NAPB: variants seen among roughly 807,000 people sequenced by gnomAD.
NAPB encodes the protein beta-soluble NSF attachment protein.
NAPB carries 26 observed loss-of-function variants against 44.7 expected under a neutral mutation model. That is an observed-to-expected ratio of 0.58 (90% CI 0.43 to 0.81). The LOEUF (loss-of-function observed/expected upper bound fraction) is 0.81. Ranked by LOEUF, NAPB falls within the 30% of genes least tolerant of loss-of-function variation. The pLI, the probability that NAPB is intolerant of heterozygous loss-of-function variation, is 0.00. For missense variants in NAPB, 315 were observed against 356.4 expected (o/e 0.88, Z 0.94); for synonymous variants, 120 against 116.8 (o/e 1.03, Z -0.18).
At chr20:23,415,039 T>C (rs1159798196) in intron 1 of NAPB, among the ~76,000 whole-genome samples, 2 of 152,120 alleles carry the variant, frequency 1.3e-5, no homozygotes, top group African/African-American at 2.4e-5. Flanking sequence ...TAAAAGGTAA[T>C]AGAGATTGAG....
rs8615 is a variant in NAPB at position 23,374,786 on chromosome 20, C to T, written c.*2590G>A. ...GGTGCATATACTTTGGTTACAGTGA[C>T]GCCACCACACACGGTCACGACTGTG... On this transcript the variant is annotated 3_prime_UTR_variant, in exon 11 of 11. Transcript: ENST00000377026. 34,436 of 151,696 alleles carry T rather than the reference C, an allele frequency of 0.23. 4,894 individuals carry two copies. The highest frequency in any genetic ancestry group is 0.39 in the South Asian group (1,848 of 4,800). 9.4% of individuals were successfully genotyped at this position (151,696 alleles called of 1,614,324 possible). A position where few individuals can be genotyped will look rare whatever the true frequency, so the allele number is the denominator to read the frequency against.
intron 1 of NAPB, among the ~76,000 whole-genome samples, chr20:23,420,653 C>G (rs976520306): frequency 6.6e-6 from 1 of 152,122 alleles, no homozygotes; most frequent in African/African-American, 2.4e-5. Context: ...ATACGACTCG[C>G]TACGCACTGA....
chr20:23,379,310 G>A (rs561077148), intron 10 of NAPB, 135 bp downstream of exon 10: 9 of 635,372 alleles, frequency 1.4e-5, no homozygotes, highest in Admixed American at 3.5e-5. Context: ...AAAAGGTGAC[G>A]TTTGGAAAAT....
chr20:23,398,895 T>C (rs6114078), intron 2 of NAPB, among the ~76,000 whole-genome samples: 10,085 of 137,282 alleles, frequency 0.073, 941 homozygotes, highest in African/African-American at 0.22. Context: ...ACAGGTGCTA[T>C]GTTGCCCAGG....
At chr20:23,398,213 A>G (rs1984519639) in intron 2 of NAPB, among the ~76,000 whole-genome samples, 1 of 152,226 alleles carries the variant, frequency 6.6e-6, no homozygotes, top group Non-Finnish European at 1.5e-5. Context: ...GGAAGTCAGT[A>G]CAGCAGAAAT....
Position 23,377,298 on chromosome 20 carries a change from A to G in NAPB, c.*78T>C. 1.2e-6 allele frequency: 1 copy of G among 842,144 alleles called. No homozygotes were observed. Among genetic ancestry groups the G allele is most frequent in the Non-Finnish European group, 1.8e-6 (1 of 549,668 alleles). The allele number at this position is 842,144 out of a possible 1,614,324, so 52.2% of individuals were successfully genotyped here. On this transcript the variant is annotated 3_prime_UTR_variant, in exon 11 of 11. Transcript: ENST00000377026. ...ATGCAACAAAATTAAGCCATTAAAT[A>G]GGCATCCCATAAAGATCACTTGACC...
chr20:23,390,313 AT>A (rs1983853566), intron 5 of NAPB, 49 bp from the exon 6 acceptor site: 1 of 1,471,292 alleles, frequency 6.8e-7, no homozygotes, highest in African/African-American at 1.4e-5. Flanking sequence ...GGAGAGCTGC[AT>A]TTTAAAACTA....
chr20:23,397,976 A>G (rs1056875855), intron 2 of NAPB, among the ~76,000 whole-genome samples: 1 of 152,142 alleles, frequency 6.6e-6, no homozygotes, highest in Non-Finnish European at 1.5e-5. Flanking sequence ...GAGGGAAGGA[A>G]TCGCTAGCAG....
At chr20:23,403,250 G>T (rs1984981522) in intron 1 of NAPB, among the ~76,000 whole-genome samples, 178 bp from the exon 2 acceptor site, 3 of 152,172 alleles carry the variant, frequency 2.0e-5, no homozygotes, top group Admixed American at 6.5e-5. Flanking sequence ...GGAAACTGGG[G>T]TGTTAAGTGG....
At chr20:23,401,386 A>T (rs914307828) in intron 2 of NAPB, among the ~76,000 whole-genome samples, 1 of 152,160 alleles carries the variant, frequency 6.6e-6, no homozygotes, top group Non-Finnish European at 1.5e-5. Context: ...AAAATTCAAA[A>T]AATTGCAACC....
intron 5 of NAPB, among the ~76,000 whole-genome samples, chr20:23,393,496 G>C (rs181852177): frequency 6.6e-6 from 1 of 152,250 alleles, no homozygotes; most frequent in East Asian, 1.9e-4. Context: ...GGTAGGGGTA[G>C]CATTTGTTTA....
intron 1 of NAPB, among the ~76,000 whole-genome samples, chr20:23,412,378 A>T (rs1047758732): frequency 6.6e-6 from 1 of 152,198 alleles, no homozygotes; most frequent in African/African-American, 2.4e-5. Flanking sequence ...ACAAGCAGTA[A>T]GAAAACAGAG....
intron 2 of NAPB, among the ~76,000 whole-genome samples, chr20:23,402,549 G>C (rs1984930451): frequency 6.6e-6 from 1 of 151,938 alleles, no homozygotes; most frequent in Non-Finnish European, 1.5e-5. Context: ...ATCAGTTATT[G>C]CGTAGCAGGG....
intron 1 of NAPB, among the ~76,000 whole-genome samples, chr20:23,410,083 A>C (rs2123246159): frequency 6.6e-6 from 1 of 152,316 alleles, no homozygotes; most frequent in East Asian, 1.9e-4. Flanking sequence ...TGCTTCTGGG[A>C]GAAGGCAACT....
chr20:23,394,191 G>A (rs1302373335), intron 5 of NAPB, among the ~76,000 whole-genome samples: 1 of 152,162 alleles, frequency 6.6e-6, no homozygotes, highest in East Asian at 1.9e-4. Context: ...GCTACTCTGT[G>A]GCATGGGGAT....
At chr20:23,401,818 T>G (rs568195551) in intron 2 of NAPB, among the ~76,000 whole-genome samples, 2 of 152,298 alleles carry the variant, frequency 1.3e-5, no homozygotes, top group South Asian at 4.1e-4. Context: ...GAGGCAGAGA[T>G]TGCAGTCAGT....
intron 3 of NAPB, among the ~76,000 whole-genome samples, chr20:23,396,035 TAATC>T (rs890692459): frequency 6.6e-6 from 1 of 152,162 alleles, no homozygotes; most frequent in African/African-American, 2.4e-5. Context: ...AAGAGAAAAA[TAATC>T]TATCAATAAT....
intron 7 of NAPB, among the ~76,000 whole-genome samples, chr20:23,381,827 C>T (rs192251782): frequency 5.7e-4 from 87 of 152,270 alleles, no homozygotes; most frequent in Non-Finnish European, 8.7e-4. Flanking sequence ...ACAATAACTG[C>T]TCTACTCCAG....
intron 5 of NAPB, among the ~76,000 whole-genome samples, chr20:23,391,719 T>C (rs575356048): frequency 2.0e-5 from 3 of 152,352 alleles, no homozygotes; most frequent in African/African-American, 2.4e-5. Flanking sequence ...ACTATATTTA[T>C]GAACAATGAA....
Sources: gnomAD v4.1 joint callset for allele counts (sites outside exome capture counted in the v4.1 genomes callset) on GRCh38, gnomAD v4.1.1 for gene constraint, MANE v1.5 for transcripts, NCBI Gene and HGNC (gene_info 2026-07-23, HGNC 2026-07-21) for gene names.